PHACTR2: variants seen among roughly 807,000 people sequenced by gnomAD.
PHACTR2 encodes chromosome 6 open reading frame 56.
A neutral mutation model predicts 76.0 loss-of-function variants in PHACTR2; 30 were observed. That is an observed-to-expected ratio of 0.39 (90% confidence interval 0.30 to 0.54). The LOEUF is 0.54. Among genes scored for constraint, PHACTR2 ranks in the 20% least tolerant of loss-of-function variants. PHACTR2 has a pLI of 0.61. For synonymous variants in PHACTR2, 292 were observed against 292.5 expected (o/e 1.00, Z 0.02); for missense variants, 696 against 781.1 (o/e 0.89, Z 1.30).
At chr6:143,752,820 T>A (rs1779214935) in intron 3 of PHACTR2, among the ~76,000 whole-genome samples, 1 of 152,168 alleles carries the variant, frequency 6.6e-6, no homozygotes, top group African/African-American at 2.4e-5. Context: ...AAACCTTCCA[T>A]TTGTTAATTT....
Position 143,658,881 on chromosome 6 carries a change from C to T in PHACTR2, c.13+50559C>T, listed in dbSNP as rs1030874957. ...CTCTACTAAAAATACAAAACTTAGC[C>T]GGTCAGGGTGGCATGCGCCTATAAT... is the stretch of plus-strand genomic sequence containing the variant. On this transcript the variant is annotated intron_variant, in intron 1 of 11. Transcript: ENST00000305766. This position sits in a 1 kb window ranked among gnomAD's most constrained non-coding sequence, Gnocchi z 4.1. Among the ~76,000 whole-genome samples the T allele has an allele frequency of 7.9e-5, 12 of 151,902 alleles. No homozygotes were observed. Among genetic ancestry groups the T allele is most frequent in the Admixed American group, 2.6e-4 (4 of 15,248 alleles).
intron 1 of PHACTR2, among the ~76,000 whole-genome samples, chr6:143,560,123 G>T (rs1484247657): frequency 6.6e-6 from 1 of 152,128 alleles, no homozygotes; most frequent in Admixed American, 6.5e-5. Flanking sequence ...AAAACAGAAA[G>T]TTGGTGTTTT....
intron 7 of PHACTR2, among the ~76,000 whole-genome samples, chr6:143,773,263 A>T (rs1026445551): frequency 6.6e-6 from 1 of 152,196 alleles, no homozygotes; most frequent in East Asian, 1.9e-4. Flanking sequence ...ATTAAAAAAA[A>T]TCATACTTCC....
rs7764544 is a variant in PHACTR2 at position 143,746,310 on chromosome 6, A to G, written c.215-2675A>G. 6.5e-3 allele frequency among the ~76,000 whole-genome samples: 995 copies of G among 152,150 alleles called. 12 individuals carry two copies. Among genetic ancestry groups the G allele is most frequent in the African/African-American group, 0.022 (927 of 41,502 alleles). ...AGGAATTCAAGGACTAGAATCCAGGACTCCTGGCAGCCATTTTGTGTTTTG... is the reference window on the plus strand; with the variant it reads ...AGGAATTCAAGGACTAGAATCCAGGGCTCCTGGCAGCCATTTTGTGTTTTG... On this transcript the variant is annotated intron_variant, in intron 2 of 12. Transcript: ENST00000440869.
chr6:143,618,902 G>A lies in PHACTR2; in HGVS notation c.13+10580G>A, dbSNP rs746832167. On this transcript the variant is annotated intron_variant, in intron 1 of 11. Transcript: ENST00000305766. This position sits in a 1 kb window ranked among gnomAD's most constrained non-coding sequence, Gnocchi z 5.2. Reference sequence around the variant, plus strand: ...ACGTGCTCCTCAAGAACAGGGCCACGTCTCCTTCTTGAGCCTTATACTAAG... The same window carrying A: ...ACGTGCTCCTCAAGAACAGGGCCACATCTCCTTCTTGAGCCTTATACTAAG... Among the ~76,000 whole-genome samples, 8 of 151,984 alleles carry A rather than the reference G, an allele frequency of 5.3e-5. No homozygotes were observed. The highest frequency in any genetic ancestry group is 2.1e-4 in the South Asian group (1 of 4,818).
chr6:143,560,906 TGTG>T, intron 1 of PHACTR2, among the ~76,000 whole-genome samples: 1 of 151,410 alleles, frequency 6.6e-6, no homozygotes, highest in Non-Finnish European at 1.5e-5. Context: ...TGTGTGTGTG[TGTG>T]TGTGTGTGTG....
chr6:143,786,411 T>C (rs150592809), intron 10 of PHACTR2, among the ~76,000 whole-genome samples: 2,119 of 152,324 alleles, frequency 0.014, 56 homozygotes, highest in African/African-American at 0.047. Context: ...TTAACAAGTC[T>C]CTAGGAAGTT....
At chr6:143,744,790 C>T (rs193146494) in intron 2 of PHACTR2, among the ~76,000 whole-genome samples, 1 of 152,306 alleles carries the variant, frequency 6.6e-6, no homozygotes, top group East Asian at 1.9e-4. Context: ...GGAAGATTAC[C>T]AGAGTATAAG....
In PHACTR2 at chr6:143,757,012, G is replaced by A. The variant is rs1043369677; in HGVS notation, c.454+3100G>A. ...TAGTGAGCTGAGTTCAGGCACCATT[G>A]CACTCCAGCCTGGGTGACAGCCAGT... On this transcript the variant is annotated intron_variant, in intron 4 of 12. Transcript: ENST00000440869. The surrounding 1 kb of genome is among the most constrained non-coding windows in gnomAD (Gnocchi z 4.2). Among the ~76,000 whole-genome samples the A allele has an allele frequency of 6.6e-6, 1 of 152,082 alleles. No homozygotes were observed. The highest frequency in any genetic ancestry group is 1.5e-5 in the Non-Finnish European group (1 of 68,014).
chr6:143,575,001 G>T, intron 1 of PHACTR2, among the ~76,000 whole-genome samples: 1 of 152,180 alleles, frequency 6.6e-6, no homozygotes. Flanking sequence ...TGGCAGATTA[G>T]ATTTCTCAGT....
rs572850836 is a variant in PHACTR2, at chr6:143,578,768, A to C, written c.217+41561A>C. On this transcript the variant is annotated intron_variant, in intron 1 of 11. Coordinates refer to the PHACTR2 transcript ENST00000367584. The surrounding 1 kb of genome is among the most constrained non-coding windows in gnomAD (Gnocchi z 4.5). ...ATGAAGAAGACCTTGGTGAAGAAGA[A>C]AGGAGTCAGAAGTGAAAGCAGCTCA... 6.6e-6 allele frequency among the ~76,000 whole-genome samples: 1 copy of C among 152,094 alleles called. No individual in the cohort carries two copies. The highest frequency in any genetic ancestry group is 1.5e-5 in the Non-Finnish European group (1 of 68,010).
intron 6 of PHACTR2, among the ~76,000 whole-genome samples, chr6:143,769,152 T>A (rs1775033273): frequency 6.6e-6 from 1 of 152,218 alleles, no homozygotes; most frequent in Admixed American, 6.5e-5. Context: ...TAAAAATACC[T>A]ACCTCTCTTC....
At chr6:143,805,627 G>A (rs530455517) in intron 11 of PHACTR2, among the ~76,000 whole-genome samples, 23 of 152,228 alleles carry the variant, frequency 1.5e-4, no homozygotes, top group African/African-American at 5.5e-4. Context: ...ACTGTTGATC[G>A]GACTAGTGAG....
chr6:143,691,538 A>G (rs994906640), intron 1 of PHACTR2, among the ~76,000 whole-genome samples: 1 of 152,244 alleles, frequency 6.6e-6, no homozygotes, highest in Non-Finnish European at 1.5e-5. Context: ...AAGCAGCAAA[A>G]TGATGCATTT....
At position 143,789,148 on chromosome 6, in the gene PHACTR2, T is replaced by C; in HGVS notation, c.1845+238T>C. Reference sequence around the variant, plus strand: ...CATATAACCTACCTGCTTTCATACCTGGATGAGGAGGGCTTTCTCACATCC... The same window carrying C: ...CATATAACCTACCTGCTTTCATACCCGGATGAGGAGGGCTTTCTCACATCC... On this transcript the variant is annotated intron_variant, in intron 11 of 12. Transcript: ENST00000440869. This position sits in a 1 kb window ranked among gnomAD's most constrained non-coding sequence, Gnocchi z 5.1. The C allele has an allele frequency of 2.8e-6, 1 of 351,042 alleles. No individual in the cohort carries two copies. The allele number at this position is 351,042 out of a possible 1,614,324, so 21.7% of individuals were successfully genotyped here. A position where few individuals can be genotyped will look rare whatever the true frequency, so the allele number is the denominator to read the frequency against.
Position 143,688,583 on chromosome 6 carries a change from C to A in PHACTR2, c.46+10374C>A, listed in dbSNP as rs964154947. On this transcript the variant is annotated intron_variant, in intron 1 of 12. Transcript: ENST00000440869. This position sits in a 1 kb window ranked among gnomAD's most constrained non-coding sequence, Gnocchi z 5.2. ...ACTTTCTACATTTCACCAAATGATA[C>A]CCCAACCACTCACTTATTCTAGCCC... Among the ~76,000 whole-genome samples the A allele has an allele frequency of 2.0e-5, 3 of 152,196 alleles. No individual in the cohort carries two copies. Among genetic ancestry groups the A allele is most frequent in the African/African-American group, 7.2e-5 (3 of 41,444 alleles).
intron 2 of PHACTR2, among the ~76,000 whole-genome samples, chr6:143,747,141 C>T (rs1779084665): frequency 6.6e-6 from 1 of 152,148 alleles, no homozygotes; most frequent in Non-Finnish European, 1.5e-5. Context: ...AAATATAAGT[C>T]AAGTCAGGTT....
intron 1 of PHACTR2, 66 bp from the exon 2 acceptor site, chr6:143,711,950 T>G: frequency 7.2e-7 from 1 of 1,383,340 alleles, no homozygotes; most frequent in Non-Finnish European, 1.0e-6. Context: ...CAGGGACCAA[T>G]TGATGATGTG....
rs1449642853 is a variant in PHACTR2, at chr6:143,739,754, C to T, written c.215-9231C>T. On this transcript the variant is annotated intron_variant, in intron 2 of 12. Transcript: ENST00000440869. The surrounding 1 kb of genome is among the most constrained non-coding windows in gnomAD (Gnocchi z 4.3). ...ATTGTTTGAATCTTGGACCTTTATT[C>T]CTTCGGAATTAGAACCATAGGTCCC... 1.3e-5 allele frequency among the ~76,000 whole-genome samples: 2 copies of T among 152,194 alleles called. No individual in the cohort carries two copies. The highest frequency in any genetic ancestry group is 4.8e-5 in the African/African-American group (2 of 41,432).
Sources: gnomAD v4.1 joint callset for allele counts (sites outside exome capture counted in the v4.1 genomes callset) on GRCh38, gnomAD v4.1.1 for gene constraint, Gnocchi (gnomAD v3.1) non-coding constraint, MANE v1.5 for transcripts, NCBI Gene and HGNC (gene_info 2026-07-23, HGNC 2026-07-21) for gene names.